The following PTPN4 variants were observed in gnomAD, a reference collection of about 807,000 sequenced individuals.
PTPN4 encodes the protein protein tyrosine phosphatase non-receptor type 4, also known as tyrosine-protein phosphatase non-receptor type 4.
Under a neutral mutation model 135.5 loss-of-function variants are expected in PTPN4, and 49 were observed. That is an observed-to-expected ratio of 0.36 (90% CI 0.29 to 0.46). The LOEUF (loss-of-function observed/expected upper bound fraction) is 0.46, where lower values mean the gene tolerates loss of function less well. Among genes scored for constraint, PTPN4 ranks in the 20% least tolerant of loss-of-function variants. PTPN4 has a pLI of 1.00. For missense variants in PTPN4, 860 were observed against 1,101.0 expected (o/e 0.78, Z 3.10); for synonymous variants, 333 against 369.9 (o/e 0.90, Z 1.14).
intron 22 of PTPN4, 133 bp from the exon 23 acceptor site, chr2:119,960,674 A>G (rs1228090642): frequency 1.5e-6 from 1 of 674,114 alleles, no homozygotes; most frequent in Non-Finnish European, 2.2e-6. Flanking sequence ...TTGTTAATAA[A>G]GATTTGTTTT....
rs565957097 is a variant in PTPN4, at chr2:119,978,899, C to G, written c.*1829C>G. 6.6e-6 allele frequency: 1 copy of G among 152,008 alleles called. No individual in the cohort carries two copies. Among genetic ancestry groups the G allele is most frequent in the Non-Finnish European group, 1.5e-5 (1 of 67,926 alleles). The allele number at this position is 152,008 out of a possible 1,614,324, so 9.4% of individuals were successfully genotyped here. On this transcript the variant is annotated 3_prime_UTR_variant, in exon 27 of 27. Coordinates refer to ENST00000263708, the MANE Select transcript of PTPN4 (RefSeq NM_002830.4). ...AATTTCAGGAAATCAAGCTCCTAAA[C>G]ATTAATAGCCAAGATACCAAATAAA... is the stretch of plus-strand genomic sequence containing the variant.
At chr2:119,976,417 C>G (rs1216286332) in intron 26 of PTPN4, among the ~76,000 whole-genome samples, 1 of 151,790 alleles carries the variant, frequency 6.6e-6, no homozygotes, top group East Asian at 1.9e-4. Flanking sequence ...ATTATACGTA[C>G]TTTACCTACC....
At chr2:119,923,692 G>A (rs1678770880) in intron 12 of PTPN4, among the ~76,000 whole-genome samples, 3 of 151,550 alleles carry the variant, frequency 2.0e-5, no homozygotes, top group Non-Finnish European at 4.4e-5. Context: ...CTTTTTATCA[G>A]GTATAAAAAG....
chr2:119,899,977 G>A (rs1048099744), intron 9 of PTPN4, among the ~76,000 whole-genome samples: 2 of 152,104 alleles, frequency 1.3e-5, no homozygotes, highest in African/African-American at 4.8e-5. Flanking sequence ...GGTGGTAAAA[G>A]CGTGCCTCCT....
At chr2:119,816,158 A>AC (rs1427684819) in intron 2 of PTPN4, among the ~76,000 whole-genome samples, 1 of 152,214 alleles carries the variant, frequency 6.6e-6, no homozygotes, top group African/African-American at 2.4e-5. Flanking sequence ...CTCCTAGGCT[A>AC]CAAACCTGAA....
In PTPN4 at chr2:119,984,679, A is replaced by G. The variant is rs77160847; in HGVS notation, c.*7609A>G. Among the ~76,000 whole-genome samples the G allele has an allele frequency of 6.6e-6, 1 of 152,186 alleles. No individual in the cohort carries two copies. The highest frequency in any genetic ancestry group is 1.5e-5 in the Non-Finnish European group (1 of 68,030). ...ATTAGAATTTCTGCCATTCATGTAC[A>G]AAAAAATTACAACTACAGCAAACAA... is the stretch of plus-strand genomic sequence containing the variant. On this transcript the variant is annotated 3_prime_UTR_variant, in exon 27 of 27. Coordinates refer to ENST00000263708, the MANE Select transcript of PTPN4 (RefSeq NM_002830.4).
chr2:119,977,163 A>C lies in PTPN4; in HGVS notation c.*93A>C. On this transcript the variant is annotated 3_prime_UTR_variant, in exon 27 of 27. Coordinates refer to ENST00000263708, the MANE Select transcript of PTPN4 (RefSeq NM_002830.4). ...TGCTCGCAGGAAATGGCATTTTACA[A>C]AAAAAAAATGAAGAACTCAAAAAAA... 7.2e-7 allele frequency: 1 copy of C among 1,383,692 alleles called. No homozygotes were observed. The highest frequency in any genetic ancestry group is 1.9e-5 in the South Asian group (1 of 52,704). 85.7% of individuals were successfully genotyped at this position (1,383,692 alleles called of 1,614,324 possible).
chr2:119,832,599 C>G (rs1677235013), intron 2 of PTPN4, among the ~76,000 whole-genome samples: 1 of 152,018 alleles, frequency 6.6e-6, no homozygotes, highest in South Asian at 2.1e-4. Flanking sequence ...TAAGAATCAA[C>G]TTTTTTTCTT....
intron 3 of PTPN4, among the ~76,000 whole-genome samples, chr2:119,868,103 A>C (rs1442058955): frequency 6.6e-6 from 1 of 152,210 alleles, no homozygotes; most frequent in Non-Finnish European, 1.5e-5. Flanking sequence ...AGAGAATAAA[A>C]TTCAGCAGCC....
chr2:119,858,810 T>A (rs1310369162), intron 2 of PTPN4, among the ~76,000 whole-genome samples: 7 of 151,872 alleles, frequency 4.6e-5, no homozygotes, highest in African/African-American at 1.5e-4. Context: ...TTTTTTATAT[T>A]TTTTTAGTAG....
At chr2:119,840,479 A>G (rs1167575555) in intron 2 of PTPN4, among the ~76,000 whole-genome samples, 1 of 152,230 alleles carries the variant, frequency 6.6e-6, no homozygotes, top group African/African-American at 2.4e-5. Context: ...TTCCTAATCC[A>G]GTCTATCATT....
intron 26 of PTPN4, among the ~76,000 whole-genome samples, chr2:119,972,701 A>G (rs1679554828): frequency 6.6e-6 from 1 of 152,124 alleles, no homozygotes; most frequent in Non-Finnish European, 1.5e-5. Flanking sequence ...TTGTTTATAA[A>G]TGCCCTTTAT....
rs562949144 is a variant in PTPN4, at chr2:119,887,466, G to A, written c.675+1584G>A. ...CATGCCACTTCACTCCAGCTGGGGT[G>A]TCAGCAAGATCCTGTCCTTTCTTCT... On this transcript the variant is annotated intron_variant, in intron 9 of 26. Coordinates refer to ENST00000263708, the MANE Select transcript of PTPN4 (RefSeq NM_002830.4). 9.2e-5 allele frequency among the ~76,000 whole-genome samples: 14 copies of A among 152,286 alleles called. No individual in the cohort carries two copies. In the South Asian group the frequency reaches 2.5e-3, roughly 27 times the overall value.
chr2:119,912,096 A>G (rs1678579296), intron 10 of PTPN4, among the ~76,000 whole-genome samples: 1 of 152,200 alleles, frequency 6.6e-6, no homozygotes, highest in Non-Finnish European at 1.5e-5. Flanking sequence ...AATGCTCCTC[A>G]GCAAAGTGGA....
intron 2 of PTPN4, among the ~76,000 whole-genome samples, chr2:119,840,653 G>T (rs1290069426): frequency 6.6e-6 from 1 of 152,176 alleles, no homozygotes; most frequent in Non-Finnish European, 1.5e-5. Flanking sequence ...AGGTCTTTGA[G>T]GCATTGCCAC....
At chr2:119,843,693 C>A (rs1245308796) in intron 2 of PTPN4, among the ~76,000 whole-genome samples, 1 of 69,112 alleles carries the variant, frequency 1.4e-5, no homozygotes, top group Non-Finnish European at 2.9e-5. Context: ...CCAGTAGGGG[C>A]GGCCGGGCAG....
chr2:119,766,497 T>C (rs1690632757), intron 1 of PTPN4, among the ~76,000 whole-genome samples: 1 of 146,872 alleles, frequency 6.8e-6, no homozygotes, highest in African/African-American at 2.6e-5. Context: ...TGTGTGTGTG[T>C]GTGTGTGTGT....
intron 1 of PTPN4, among the ~76,000 whole-genome samples, chr2:119,760,590 T>A (rs1690467012): frequency 6.6e-6 from 1 of 152,018 alleles, no homozygotes; most frequent in Admixed American, 6.5e-5. Context: ...GGACCTCTGC[T>A]TTTGCGGGGG....
Position 119,980,088 on chromosome 2 carries a change from A to G in PTPN4, c.*3018A>G, listed in dbSNP as rs1198125643. ...GCCTAAGAAATGATTTCCTTTCTAC[A>G]GTCTGCTAGGAGAAAGAGGTGAGAG... On this transcript the variant is annotated 3_prime_UTR_variant, in exon 27 of 27. Coordinates refer to ENST00000263708, the MANE Select transcript of PTPN4 (RefSeq NM_002830.4). 6.6e-6 allele frequency: 1 copy of G among 152,138 alleles called. No homozygotes were observed. 9.4% of individuals were successfully genotyped at this position (152,138 alleles called of 1,614,324 possible).
Sources: gnomAD v4.1 joint callset for allele counts (sites outside exome capture counted in the v4.1 genomes callset) on GRCh38, gnomAD v4.1.1 for gene constraint, MANE v1.5 for transcripts, NCBI Gene and HGNC (gene_info 2026-07-23, HGNC 2026-07-21) for gene names.